Variants in NR5A2 observed in about 807,000 individuals in gnomAD.
NR5A2 encodes nuclear receptor subfamily 5 group A member 2.
Under a neutral mutation model 62.7 loss-of-function variants are expected in NR5A2, and 26 were observed. The observed-to-expected ratio is 0.41, with a 90% confidence interval of 0.30 to 0.58. NR5A2 has a LOEUF of 0.58. NR5A2 is among the 20% of genes least tolerant of loss of function. NR5A2 has a pLI of 0.22. For synonymous variants in NR5A2, 246 were observed against 241.7 expected, an observed-to-expected ratio of 1.02 and a Z score of -0.16; for missense variants, 541 against 669.1, an observed-to-expected ratio of 0.81 and a Z score of 2.11.
At chr1:200,129,032 C>T (rs1401684939) in intron 7 of NR5A2, among the ~76,000 whole-genome samples, 2 of 152,040 alleles carry the variant, frequency 1.3e-5, no homozygotes, top group Admixed American at 1.3e-4. Flanking sequence ...TAAGTGTGTG[C>T]CATTTGTCCT....
At chr1:200,049,117 T>G (rs1454743686) in intron 5 of NR5A2, among the ~76,000 whole-genome samples, 2 of 152,158 alleles carry the variant, frequency 1.3e-5, no homozygotes, top group Non-Finnish European at 2.9e-5. Flanking sequence ...TTCAGATGGT[T>G]TGTGGCTTAA....
chr1:200,102,161 T>G (rs1223238503), intron 5 of NR5A2, among the ~76,000 whole-genome samples: 3 of 152,336 alleles, frequency 2.0e-5, no homozygotes, highest in Admixed American at 2.0e-4. Context: ...ACCATGCGGA[T>G]GGATGTTCTG....
rs11465184 is a variant in NR5A2 at position 200,074,788 on chromosome 1, AT to A, written c.1110+25982del. ...AGAAACACAAATCTCAAACACTTTAATTTTTTTTTTTTAAATCACTATGGAC... is the reference window on the plus strand; with the variant it reads ...AGAAACACAAATCTCAAACACTTTAATTTTTTTTTTTAAATCACTATGGAC... On this transcript the variant is annotated intron_variant, in intron 5 of 7. Transcript: ENST00000367362. Among the ~76,000 whole-genome samples, 275 of 133,636 alleles carry A rather than the reference AT, an allele frequency of 2.1e-3. 7 individuals are homozygous for A. The highest frequency in any genetic ancestry group is 1.1e-3 in the Non-Finnish European group (73 of 64,490). The allele number at this position is 133,636 out of a possible 152,430, so 87.7% of individuals were successfully genotyped here.
rs115113723 is a variant in NR5A2, at chr1:200,118,564, G to A, written c.1231-2244G>A. Among the ~76,000 whole-genome samples, 199 of 152,198 alleles carry A rather than the reference G, an allele frequency of 1.3e-3. 1 individual carries two copies. Among genetic ancestry groups the A allele is most frequent in the African/African-American group, 4.2e-3 (175 of 41,520 alleles). The stretch of plus-strand genomic sequence containing the variant: ...CGTTTGTAAGAGGCAGCATTGGCTC[G>A]GGTCTCTTACCTAGTCTCTGGCTTT... On this transcript the variant is annotated intron_variant, in intron 6 of 7. Coordinates refer to ENST00000367362, the MANE Select transcript of NR5A2 (RefSeq NM_205860.3).
chr1:200,116,795 T>C (rs1666241295), intron 6 of NR5A2, among the ~76,000 whole-genome samples: 1 of 152,228 alleles, frequency 6.6e-6, no homozygotes, highest in South Asian at 2.1e-4. Flanking sequence ...TCCTATCCAA[T>C]ATTTTAAAAA....
chr1:200,040,179 C>T (rs1421539069), intron 2 of NR5A2, among the ~76,000 whole-genome samples: 1 of 152,156 alleles, frequency 6.6e-6, no homozygotes, highest in Non-Finnish European at 1.5e-5. Context: ...TGTACTTCAA[C>T]CAGTACTCTT....
chr1:200,046,879 T>A (rs142159523), intron 4 of NR5A2, among the ~76,000 whole-genome samples: 13 of 152,352 alleles, frequency 8.5e-5, no homozygotes, highest in African/African-American at 2.6e-4. Context: ...TTCTTTTTTT[T>A]AAGTTAAGCT....
At chr1:200,168,823 T>C (rs1654036265) in intron 7 of NR5A2, among the ~76,000 whole-genome samples, 1 of 152,238 alleles carries the variant, frequency 6.6e-6, no homozygotes, top group South Asian at 2.1e-4. Context: ...AAATTAGTTA[T>C]GCAGATTATC....
At chr1:200,071,559 T>C (rs114655040) in intron 5 of NR5A2, among the ~76,000 whole-genome samples, 182 of 152,346 alleles carry the variant, frequency 1.2e-3, no homozygotes, top group Non-Finnish European at 2.1e-3. Context: ...AATAAATGTT[T>C]ACATAATTGC....
At chr1:200,111,013 G>T (rs187563439) in intron 5 of NR5A2, among the ~76,000 whole-genome samples, 189 bp from the exon 6 acceptor site, 4 of 152,034 alleles carry the variant, frequency 2.6e-5, no homozygotes, top group Non-Finnish European at 5.9e-5. Context: ...CTATTTGTCC[G>T]AATGAAAATC....
chr1:200,133,420 C>T (rs1236962654), intron 7 of NR5A2, among the ~76,000 whole-genome samples: 7 of 151,120 alleles, frequency 4.6e-5, no homozygotes, highest in African/African-American at 7.3e-5. Context: ...CTGCCTAATC[C>T]CTCAGCAGGA....
chr1:200,152,535 C>CAAACT (rs1162402924), intron 7 of NR5A2, among the ~76,000 whole-genome samples: 1 of 152,054 alleles, frequency 6.6e-6, no homozygotes, highest in Non-Finnish European at 1.5e-5. Flanking sequence ...AAACAGGAAA[C>CAAACT]AAACTAAAAC....
intron 5 of NR5A2, among the ~76,000 whole-genome samples, chr1:200,049,863 G>T (rs1044176901): frequency 5.3e-5 from 8 of 152,214 alleles, no homozygotes; most frequent in African/African-American, 1.7e-4. Flanking sequence ...TGTGTAAGTA[G>T]ATGGTCTGGG....
intron 5 of NR5A2, among the ~76,000 whole-genome samples, chr1:200,108,988 T>C (rs1284107879): frequency 6.6e-6 from 1 of 152,226 alleles, no homozygotes; most frequent in African/African-American, 2.4e-5. Context: ...CTGGAGACTT[T>C]CCTTCAAAGA....
chr1:200,112,674 A>T (rs969008036), intron 6 of NR5A2, among the ~76,000 whole-genome samples: 1 of 152,252 alleles, frequency 6.6e-6, no homozygotes, highest in Non-Finnish European at 1.5e-5. Flanking sequence ...ACCTCTCAGG[A>T]GAAAAGCGTT....
chr1:200,098,552 T>TATCTCA (rs369436873), intron 5 of NR5A2, among the ~76,000 whole-genome samples: 1 of 152,146 alleles, frequency 6.6e-6, no homozygotes, highest in Admixed American at 6.5e-5. Flanking sequence ...GGGCTTGGAT[T>TATCTCA]CAGAACACCT....
At chr1:200,156,555 C>T (rs1373285603) in intron 7 of NR5A2, among the ~76,000 whole-genome samples, 1 of 152,018 alleles carries the variant, frequency 6.6e-6, no homozygotes, top group Non-Finnish European at 1.5e-5. Context: ...CCCCCCACCA[C>T]ACCCGGCTAA....
At chr1:200,085,694 A>G (rs981472736) in intron 5 of NR5A2, among the ~76,000 whole-genome samples, 10 of 152,032 alleles carry the variant, frequency 6.6e-5, no homozygotes, top group South Asian at 4.1e-4. Context: ...AAAGAAAGAA[A>G]TGGTCTCTAC....
intron 5 of NR5A2, among the ~76,000 whole-genome samples, chr1:200,081,327 C>T (rs1472038719): frequency 6.6e-6 from 1 of 152,218 alleles, no homozygotes; most frequent in African/African-American, 2.4e-5. Flanking sequence ...TGAAAAGTTA[C>T]CAACTTTATT....
Sources: allele counts gnomAD v4.1 joint callset (sites outside exome capture counted in the v4.1 genomes callset), GRCh38; gene constraint gnomAD v4.1.1; transcripts MANE v1.5; gene names NCBI Gene and HGNC (gene_info 2026-07-23, HGNC 2026-07-21).